ERCC5: variants seen among roughly 807,000 people sequenced by gnomAD.
ERCC5 encodes the protein DNA excision repair protein ERCC-5.
A neutral mutation model predicts 105.6 loss-of-function variants in ERCC5; 68 were observed. The observed-to-expected ratio is 0.64, with a 90% CI of 0.53 to 0.79. ERCC5 has a LOEUF of 0.79. ERCC5 is among the 30% of genes least tolerant of loss of function. ERCC5 has a pLI of 0.00. For missense variants in ERCC5, 1,373 were observed against 1,426.7 expected (o/e 0.96, Z 0.61); for synonymous variants, 546 against 526.2 (o/e 1.04, Z -0.51).
At chr13:102,852,815 T>C (rs1327191225) in intron 2 of ERCC5, among the ~76,000 whole-genome samples, 3 of 152,194 alleles carry the variant, frequency 2.0e-5, no homozygotes, top group African/African-American at 7.2e-5. Flanking sequence ...TGCTGCTTTA[T>C]TGTTCTGGAA....
At chr13:102,846,746 A>T (rs1881982997) in intron 1 of ERCC5, among the ~76,000 whole-genome samples, 1 of 144,820 alleles carries the variant, frequency 6.9e-6, no homozygotes, top group Non-Finnish European at 1.5e-5. Flanking sequence ...GGTATGTTTT[A>T]TTTATTTATT....
intron 1 of ERCC5, 44 bp from the exon 2 acceptor site, chr13:102,852,074 G>A: frequency 1.9e-6 from 3 of 1,606,734 alleles, no homozygotes; most frequent in East Asian, 2.2e-5. Context: ...TTGTGAGGAT[G>A]AAGAGAAAAA....
At position 102,875,293 on chromosome 13, in the gene ERCC5, T is replaced by C. The variant is rs886049941; in HGVS notation, c.2965-14T>C. 1 of 1,611,596 alleles carries C rather than the reference T, an allele frequency of 6.2e-7. No homozygotes were observed. The highest frequency in any genetic ancestry group is 8.5e-7 in the Non-Finnish European group (1 of 1,178,564). On this transcript the variant is annotated splice_polypyrimidine_tract_variant and intron_variant, in intron 14 of 14. Transcript: ENST00000652225. ...GTCTGATTTATTATTATTATTCTTT[T>C]GTTATTTTTTTAGACACAGCTCCGA...
intron 2 of ERCC5, among the ~76,000 whole-genome samples, chr13:102,853,143 T>C (rs559740819): frequency 1.3e-5 from 2 of 152,192 alleles, no homozygotes; most frequent in Non-Finnish European, 2.9e-5. Context: ...TGTCTAGTCT[T>C]GAATGTTGCA....
chr13:102,857,128 C>T (rs1882454175), intron 5 of ERCC5, among the ~76,000 whole-genome samples: 1 of 151,822 alleles, frequency 6.6e-6, no homozygotes, highest in African/African-American at 2.4e-5. Flanking sequence ...TTTTTGATTC[C>T]CAAATTCACT....
At position 102,862,891 on chromosome 13, in the gene ERCC5, T is replaced by G. The variant is rs1196088675; in HGVS notation, c.1742T>G (p.Val581Gly). The G allele has an allele frequency of 1.2e-6, 2 of 1,614,214 alleles. No homozygotes were observed. Among genetic ancestry groups the G allele is most frequent in the African/African-American group, 2.7e-5 (2 of 75,046 alleles). The change falls in exon 8 of 15, where the codon GTC becomes GGC. Residue 581 changes from valine (V) to glycine (G), a missense_variant. Coordinates refer to ENST00000652225, the MANE Select transcript of ERCC5 (RefSeq NM_000123.4). ...PNSASEVIGP[V>G]SLQETSSIVS... Reference sequence around the variant, plus strand: ...TCTGCTTCTGAAGTCATTGGCCCTGTCAGTTTGCAAGAAACAAGTAGCATA... The same window carrying G: ...TCTGCTTCTGAAGTCATTGGCCCTGGCAGTTTGCAAGAAACAAGTAGCATA...
At chr13:102,848,417 A>G (rs777439554) in intron 1 of ERCC5, among the ~76,000 whole-genome samples, 2 of 152,200 alleles carry the variant, frequency 1.3e-5, no homozygotes, top group Non-Finnish European at 2.9e-5. Context: ...TCTTATTTAT[A>G]CAGTCTAAAT....
At position 102,852,108 on chromosome 13, in the gene ERCC5, A is replaced by G. The variant is rs202103819; in HGVS notation, c.89-10A>G. 84 of 1,613,968 alleles carry G rather than the reference A, an allele frequency of 5.2e-5. No homozygotes were observed. The highest frequency in any genetic ancestry group is 1.1e-4 in the East Asian group (5 of 44,862). ...AATCCCGGAGTTTTTTCCATTAACA[A>G]TTCTCCCAGATATTAGCATTTGGTT... On this transcript the variant is annotated splice_polypyrimidine_tract_variant and intron_variant, in intron 1 of 14. Coordinates refer to ENST00000652225, the MANE Select transcript of ERCC5 (RefSeq NM_000123.4).
rs1193425759 is a variant in ERCC5 at position 102,865,360 on chromosome 13, AT to A, written c.1955-302del. On this transcript the variant is annotated intron_variant, in intron 8 of 14. Coordinates refer to ENST00000652225, the MANE Select transcript of ERCC5 (RefSeq NM_000123.4). This position sits in a 1 kb window ranked among gnomAD's most constrained non-coding sequence, Gnocchi z 4.0. ...ATACTTTGATAATCCTCCTTTTTGA[AT>A]TTTTAAAACAATGTCAGTTAACTTA... 1.1e-5 allele frequency: 4 copies of A among 362,614 alleles called. No homozygotes were observed. The highest frequency in any genetic ancestry group is 1.6e-5 in the Non-Finnish European group (3 of 189,952). The allele number at this position is 362,614 out of a possible 1,614,324, so 22.5% of individuals were successfully genotyped here.
chr13:102,870,083 G>C (rs1189734219), intron 12 of ERCC5, among the ~76,000 whole-genome samples: 1 of 152,230 alleles, frequency 6.6e-6, no homozygotes, highest in Non-Finnish European at 1.5e-5. Flanking sequence ...AAATCAGAAT[G>C]TGGCCTCACT....
chr13:102,874,747 T>TCTG (rs1883150201), intron 14 of ERCC5: 1 of 153,624 alleles, frequency 6.5e-6, no homozygotes, highest in Non-Finnish European at 1.4e-5. Context: ...ATGGTCTCGA[T>TCTG]CTGACCTCGT....
Position 102,872,282 on chromosome 13 carries a change from G to A in ERCC5, c.2763G>A (p.Leu921=), listed in dbSNP as rs1294564254. Residue 921 remains leucine, a synonymous_variant, in exon 13 of 15, where the codon TTG becomes TTA. Transcript: ENST00000652225. ...DTKVKKKLRT[L]QLTPGFPNPA... is the part of the protein sequence containing the mutation. ...AAGTGAAAAAAAAATTACGGACATT[G>A]CAACTCACCCCTGGCTTTCCTAACC... is the stretch of plus-strand genomic sequence containing the variant. The A allele has an allele frequency of 2.5e-6, 4 of 1,614,000 alleles. No individual in the cohort carries two copies. The highest frequency in any genetic ancestry group is 2.7e-5 in the African/African-American group (2 of 74,878).
In ERCC5 at chr13:102,862,180, C is replaced by T. The variant is rs766674610; in HGVS notation, c.1031C>T (p.Thr344Ile). The change falls in exon 8 of 15, where the codon ACT (threonine) becomes ATT (isoleucine). Residue 344 changes from threonine (T) to isoleucine (I), a missense_variant. By Grantham distance (89) the Thr-to-Ile change is moderately conservative. Transcript: ENST00000652225. ...EPDATPPSPR[T>I]LLAMQAALLG... ...GATGCTACCCCTCCTTCTCCAAGAA[C>T]TTTACTAGCTATGCAAGCTGCCCTG... 1.2e-6 allele frequency: 2 copies of T among 1,614,188 alleles called. No homozygotes were observed. Among genetic ancestry groups the T allele is most frequent in the Non-Finnish European group, 1.7e-6 (2 of 1,180,028 alleles).
intron 5 of ERCC5, among the ~76,000 whole-genome samples, chr13:102,856,407 A>G (rs989776089): frequency 2.0e-5 from 3 of 152,266 alleles, no homozygotes; most frequent in Non-Finnish European, 1.5e-5. Context: ...CATAGAAAAT[A>G]TAGAAAACAT....
intron 4 of ERCC5, among the ~76,000 whole-genome samples, chr13:102,854,982 A>G (rs1214067410): frequency 6.7e-6 from 1 of 149,818 alleles, no homozygotes; most frequent in African/African-American, 2.5e-5. Flanking sequence ...CCTTCCCTCC[A>G]CCTCTTCCTT....
chr13:102,859,762 A>G (rs1215720369), intron 6 of ERCC5, among the ~76,000 whole-genome samples: 1 of 152,300 alleles, frequency 6.6e-6, no homozygotes, highest in Non-Finnish European at 1.5e-5. Flanking sequence ...TGTGATCTGT[A>G]TGTCGTGCAA....
At chr13:102,866,098 G>T in intron 9 of ERCC5, 164 bp from the exon 10 acceptor site, 1 of 1,438,184 alleles carries the variant, frequency 7.0e-7, no homozygotes. Flanking sequence ...GTTTAGTGAT[G>T]AATCTCTAAA....
intron 3 of ERCC5, 23 bp downstream of exon 3, chr13:102,853,895 G>A: frequency 6.2e-7 from 1 of 1,606,792 alleles, no homozygotes; most frequent in Non-Finnish European, 8.5e-7. Context: ...TTATAGTCGT[G>A]TTAGAGATGA....
Position 102,858,389 on chromosome 13 carries a change from A to G in ERCC5, c.643A>G (p.Arg215Gly). 1 of 1,614,182 alleles carries G rather than the reference A, an allele frequency of 6.2e-7. No individual in the cohort carries two copies. Among genetic ancestry groups the G allele is most frequent in the Admixed American group, 1.7e-5 (1 of 60,030 alleles). The change falls in exon 6 of 15, where the codon AGA (arginine) becomes GGA (glycine). Residue 215 changes from arginine to glycine, a missense_variant. Physicochemically the swap from Arg to Gly is moderately radical, Grantham distance 125. Around this residue, in one of 3 missense-constraint regions of ERCC5, gnomAD observed 1,004 missense variants for 1,059.7 expected, o/e 0.95. Transcript: ENST00000652225. ...LTDMKEFTKR[R>G]RTLFEAMPEE... ...TGATATGAAAGAGTTCACCAAGCGC[A>G]GAAGAACATTATTTGAAGCAATGCC...
Sources: allele counts gnomAD v4.1 joint callset (sites outside exome capture counted in the v4.1 genomes callset), GRCh38; gene constraint gnomAD v4.1.1; regional missense constraint gnomAD v4.1.1; non-coding constraint Gnocchi (gnomAD v3.1); transcripts MANE v1.5; gene names NCBI Gene and HGNC (gene_info 2026-07-23, HGNC 2026-07-21).